Variants in SLC15A5 observed in about 807,000 individuals in gnomAD.
SLC15A5 encodes solute carrier family 15 member 5.
In SLC15A5, 58 loss-of-function variants were observed where a neutral mutation model predicts 56.1. The ratio of observed to expected loss-of-function variants is 1.03; its 90% CI spans 0.84 to 1.29. SLC15A5 has a LOEUF of 1.29. SLC15A5 is among the 50% of genes most tolerant of loss of function. SLC15A5 has a pLI of 0.00. For missense variants in SLC15A5, 681 were observed against 672.1 expected, an observed-to-expected ratio of 1.01 and a Z score of -0.15; for synonymous variants, 264 against 250.5, an observed-to-expected ratio of 1.05 and a Z score of -0.51.
intron 1 of SLC15A5, 149 bp from the exon 2 acceptor site, chr12:16,272,932 A>AT: frequency 2.8e-6 from 2 of 727,054 alleles, no homozygotes; most frequent in Non-Finnish European, 4.4e-6. Context: ...TTTCAGGGAT[A>AT]GCCTGATGTT....
intron 7 of SLC15A5, among the ~76,000 whole-genome samples, chr12:16,212,525 A>AAC (rs1864093663): frequency 4.4e-4 from 1 of 2,258 alleles, no homozygotes; most frequent in South Asian, 0.1. Context: ...TTTCCAGAAA[A>AAC]ACGTGAAAAG....
At chr12:16,218,518 T>C (rs1864153461) in intron 6 of SLC15A5, among the ~76,000 whole-genome samples, 1 of 152,168 alleles carries the variant, frequency 6.6e-6, no homozygotes, top group African/African-American at 2.4e-5. Context: ...TGGTCTAGCC[T>C]ACTACACACC....
intron 3 of SLC15A5, among the ~76,000 whole-genome samples, chr12:16,256,775 C>A (rs562334516): frequency 6.6e-6 from 1 of 151,768 alleles, no homozygotes; most frequent in Non-Finnish European, 1.5e-5. Flanking sequence ...AGGTGAATGG[C>A]GTGAACCTGG....
At chr12:16,213,499 A>G (rs1431142247) in intron 7 of SLC15A5, among the ~76,000 whole-genome samples, 1 of 152,158 alleles carries the variant, frequency 6.6e-6, no homozygotes, top group Non-Finnish European at 1.5e-5. Flanking sequence ...TGTAGAACAT[A>G]GTGATCAATA....
chr12:16,274,389 T>A (rs984910683), intron 1 of SLC15A5, among the ~76,000 whole-genome samples: 1 of 152,174 alleles, frequency 6.6e-6, no homozygotes, highest in Non-Finnish European at 1.5e-5. Flanking sequence ...CGTTTTGCTC[T>A]TCATTTTATT....
At chr12:16,190,950 C>T (rs1863833716) in intron 8 of SLC15A5, among the ~76,000 whole-genome samples, 1 of 152,148 alleles carries the variant, frequency 6.6e-6, no homozygotes, top group Non-Finnish European at 1.5e-5. Flanking sequence ...CAAACACTCT[C>T]TGCCCACTCC....
At chr12:16,229,992 T>G (rs1278207216) in intron 5 of SLC15A5, among the ~76,000 whole-genome samples, 1 of 152,086 alleles carries the variant, frequency 6.6e-6, no homozygotes, top group Non-Finnish European at 1.5e-5. Context: ...TAGTCATGTT[T>G]GTATAGATGG....
intron 7 of SLC15A5, among the ~76,000 whole-genome samples, chr12:16,210,554 G>T (rs1402685674): frequency 4.6e-5 from 7 of 152,148 alleles, no homozygotes; most frequent in African/African-American, 1.7e-4. Context: ...CATTTAGCTG[G>T]TGATTTTTAT....
Position 16,244,779 on chromosome 12 carries a change from A to G in SLC15A5, c.776T>C (p.Val259Ala). Residue 259 changes from valine (V) to alanine (A), a missense_variant, in exon 4 of 9, where the codon GTT becomes GCT. Transcript: ENST00000344941. ...SEKRCSLLTG[V>A]GVLVSALKTC... ...TTTCAGTGCACTAACCAACACCCCA[A>G]CGCCTGTCAGGAGAGAACAACCTGC... is the stretch of plus-strand genomic sequence containing the variant. 3.3e-6 allele frequency: 5 copies of G among 1,537,796 alleles called. No individual in the cohort carries two copies. Among genetic ancestry groups the G allele is most frequent in the Admixed American group, 2.0e-5 (1 of 51,002 alleles).
intron 3 of SLC15A5, among the ~76,000 whole-genome samples, chr12:16,246,844 C>T (rs540976207): frequency 6.6e-6 from 1 of 152,002 alleles, no homozygotes; most frequent in East Asian, 1.9e-4. Context: ...TAAATATTGC[C>T]ATCATTTTAT....
At chr12:16,260,883 A>G (rs1864637163) in intron 2 of SLC15A5, among the ~76,000 whole-genome samples, 1 of 152,066 alleles carries the variant, frequency 6.6e-6, no homozygotes, top group Non-Finnish European at 1.5e-5. Context: ...TTATTACAAT[A>G]CCATTTATTG....
At chr12:16,220,085 G>T (rs7310887) in intron 6 of SLC15A5, among the ~76,000 whole-genome samples, 84,465 of 151,970 alleles carry the variant, frequency 0.56, 23,747 homozygotes, top group South Asian at 0.74. Flanking sequence ...TAAAATGTGT[G>T]TATTGTGTTT....
At position 16,194,349 on chromosome 12, in the gene SLC15A5, G is replaced by A. The variant is rs1863873697; in HGVS notation, c.1588C>T (p.Gln530Ter). Residue 530 changes from glutamine (Q) to a stop codon, truncating the protein, a stop_gained, in exon 8 of 9, where the codon CAA (glutamine) becomes TAA (stop). Transcript: ENST00000344941. LOFTEE classifies it high-confidence loss of function. The stretch of plus-strand genomic sequence containing the variant: ...TCTTACCACACACTTACTTACCTTT[G>A]TGAAACACTGCAGAATCCCAGGACG... Reference protein sequence around the residue: ...LNVLGFCSVSQRYCNLNHFNA... With the variant: ...LNVLGFCSVS The A allele has an allele frequency of 3.3e-6, 5 of 1,528,096 alleles. No homozygotes were observed. Among genetic ancestry groups the A allele is most frequent in the Non-Finnish European group, 4.4e-6 (5 of 1,139,802 alleles). 94.7% of individuals were successfully genotyped at this position (1,528,096 alleles called of 1,614,324 possible).
chr12:16,241,903 A>G (rs1864417759), intron 4 of SLC15A5, among the ~76,000 whole-genome samples: 1 of 152,218 alleles, frequency 6.6e-6, no homozygotes, highest in Non-Finnish European at 1.5e-5. Flanking sequence ...AATCTTAGAA[A>G]AGGCTGCAGT....
At chr12:16,227,683 G>A (rs577827036) in intron 5 of SLC15A5, among the ~76,000 whole-genome samples, 1 of 152,246 alleles carries the variant, frequency 6.6e-6, no homozygotes, top group East Asian at 1.9e-4. Context: ...ATCATAAGAA[G>A]CATTTAATAC....
intron 7 of SLC15A5, among the ~76,000 whole-genome samples, chr12:16,213,883 C>T (rs1163556966): frequency 6.6e-6 from 1 of 152,098 alleles, no homozygotes; most frequent in East Asian, 1.9e-4. Context: ...TGTTTCTCTA[C>T]CTTTGTACTG....
Position 16,255,109 on chromosome 12 carries a change from AATT to A in SLC15A5, c.754+2589_754+2591del, listed in dbSNP as rs545221960. ...CACTATGTACCTCGTAAATATGTAC[AATT>A]ATTATTATCAGTTAAAAGCTACAAT... is the stretch of plus-strand genomic sequence containing the variant. On this transcript the variant is annotated intron_variant, in intron 3 of 8. Transcript: ENST00000344941. 1.7e-3 allele frequency among the ~76,000 whole-genome samples: 255 copies of A among 152,236 alleles called. 1 individual carries two copies. Among genetic ancestry groups the A allele is most frequent in the African/African-American group, 5.8e-3 (243 of 41,556 alleles).
At chr12:16,222,395 G>A (rs1447202641) in intron 6 of SLC15A5, among the ~76,000 whole-genome samples, 1 of 152,132 alleles carries the variant, frequency 6.6e-6, no homozygotes, top group Non-Finnish European at 1.5e-5. Context: ...CCTTTCATAT[G>A]TTATGTCATT....
At position 16,194,425 on chromosome 12, in the gene SLC15A5, T is replaced by C. The variant is rs1863874892; in HGVS notation, c.1512A>G (p.Lys504=). ...AGAAGAAGAAGCTTTCTAAATTGCCTTTGTTTAATGTGTTTGGAAACCAAT... is the reference window on the plus strand; with the variant it reads ...AGAAGAAGAAGCTTTCTAAATTGCCCTTGTTTAATGTGTTTGGAAACCAAT... ...DGNWFPNTLN[K]GNLESFFFFL... The change falls in exon 8 of 9, where the codon AAA becomes AAG. Residue 504 remains lysine, a synonymous_variant. Coordinates refer to ENST00000344941, the MANE Select transcript of SLC15A5 (RefSeq NM_001170798.1). 3 of 1,535,120 alleles carry C rather than the reference T, an allele frequency of 2.0e-6. No homozygotes were observed. Among genetic ancestry groups the C allele is most frequent in the African/African-American group, 2.7e-5 (2 of 72,952 alleles).
Sources: gnomAD v4.1 joint callset for allele counts (sites outside exome capture counted in the v4.1 genomes callset) on GRCh38, gnomAD v4.1.1 for gene constraint, MANE v1.5 for transcripts, NCBI Gene and HGNC (gene_info 2026-07-23, HGNC 2026-07-21) for gene names.